Variants in LIPK observed in about 807,000 individuals in gnomAD.
LIPK encodes the protein lipase family member K, also known as lipase member K.
In LIPK, 32 loss-of-function variants were observed where a neutral mutation model predicts 48.6. The observed-to-expected ratio is 0.66, with a 90% confidence interval of 0.50 to 0.88. LIPK has a LOEUF of 0.88. LIPK is among the 40% of genes least tolerant of loss of function. The pLI is 0.00. For synonymous variants in LIPK, 164 were observed against 157.4 expected (o/e 1.04, Z -0.32); for missense variants, 507 against 478.5 (o/e 1.06, Z -0.56).
chr10:88,732,527 A>T lies in LIPK; in HGVS notation c.645A>T (p.Thr215=). The T allele has an allele frequency of 6.2e-7, 1 of 1,611,364 alleles. No homozygotes were observed. The highest frequency in any genetic ancestry group is 8.5e-7 in the Non-Finnish European group (1 of 1,179,264). ...CCCAAAGTCCTATGAAAAAACTAACAACCCTTTCCAGGCGAGTAGTTAAGG... is the reference window on the plus strand; with the variant it reads ...CCCAAAGTCCTATGAAAAAACTAACTACCCTTTCCAGGCGAGTAGTTAAGG... The part of the protein sequence containing the change: ...KYTQSPMKKL[T]TLSRRVVKVL... The change falls in exon 6 of 10, where the codon ACA becomes ACT. Residue 215 remains threonine (T), a synonymous_variant. Transcript: ENST00000404190.
At chr10:88,727,418 C>A in intron 3 of LIPK, 1 of 166,754 alleles carries the variant, frequency 6.0e-6, no homozygotes, top group Non-Finnish European at 1.3e-5. Flanking sequence ...CAGTTCTGGA[C>A]CCAAGTCTGT....
intron 2 of LIPK, among the ~76,000 whole-genome samples, chr10:88,725,001 T>C (rs756316733): frequency 1.4e-4 from 21 of 152,236 alleles, no homozygotes; most frequent in Non-Finnish European, 2.9e-4. Flanking sequence ...ATATGCTTTT[T>C]TGGTTTCATA....
In LIPK at chr10:88,731,041, TTGCAACC is replaced by T; in HGVS notation, c.286_292del (p.Asn96ProfsTer61). 1 of 1,599,200 alleles carries T rather than the reference TTGCAACC, an allele frequency of 6.3e-7. No homozygotes were observed. Among genetic ancestry groups the T allele is most frequent in the Non-Finnish European group, 8.5e-7 (1 of 1,172,312 alleles). ...TAATTGCATCTGCCAGTAACTGGAT[TTGCAACC>T]TGCCCAACAACAGTTTGGCTTTCCT... On this transcript the variant is annotated frameshift_variant, in exon 4 of 10. Transcript: ENST00000404190. LOFTEE classifies it high-confidence loss of function.
At chr10:88,751,359 GA>G (rs956889333) in intron 9 of LIPK, among the ~76,000 whole-genome samples, 68 of 150,806 alleles carry the variant, frequency 4.5e-4, no homozygotes, top group Admixed American at 3.4e-3. Context: ...AGAAATTTGG[GA>G]AAAAAAAATT....
At chr10:88,716,870 A>AT (rs35326126) in intron 1 of LIPK, among the ~76,000 whole-genome samples, 115 of 151,750 alleles carry the variant, frequency 7.6e-4, no homozygotes, top group Non-Finnish European at 1.4e-3. Context: ...ATGGATTTGG[A>AT]TTTTTTTTTC....
At chr10:88,746,389 C>T (rs1420917005) in intron 9 of LIPK, among the ~76,000 whole-genome samples, 6 of 144,094 alleles carry the variant, frequency 4.2e-5, no homozygotes, top group Non-Finnish European at 7.6e-5. Flanking sequence ...TAAAGCAATT[C>T]TCAACAAATT....
At chr10:88,735,882 C>A (rs993567726) in intron 6 of LIPK, among the ~76,000 whole-genome samples, 1 of 152,138 alleles carries the variant, frequency 6.6e-6, no homozygotes, top group South Asian at 2.1e-4. Context: ...AATTATTCAC[C>A]TTTGAGTAAA....
chr10:88,713,177 C>T (rs1311160078), intron 1 of LIPK, among the ~76,000 whole-genome samples: 1 of 152,160 alleles, frequency 6.6e-6, no homozygotes, highest in Non-Finnish European at 1.5e-5. Flanking sequence ...AACCTACTTA[C>T]CCTCTCTTTG....
rs566252148 is a variant in LIPK, at chr10:88,752,603, G to C, written c.1047G>C (p.Lys349Asn). The change falls in exon 10 of 10, where the codon AAG (lysine) becomes AAC (asparagine). Residue 349 changes from lysine (K) to asparagine (N), a missense_variant. Physicochemically the swap from Lys to Asn is moderately conservative, Grantham distance 94. Transcript: ENST00000404190. ...GACAGGACATTGTGGCTGATCCCAAGGATGTTGAAAATTTACTTCCTCAAA... is the reference window on the plus strand; with the variant it reads ...GACAGGACATTGTGGCTGATCCCAACGATGTTGAAAATTTACTTCCTCAAA... Reference protein sequence around the residue: ...NGGQDIVADPKDVENLLPQIA... With the variant: ...NGGQDIVADPNDVENLLPQIA... 91 of 1,572,602 alleles carry C rather than the reference G, an allele frequency of 5.8e-5. No homozygotes were observed. The East Asian group carries it at 8.8e-4, about 15-fold the overall frequency.
Position 88,752,674 on chromosome 10 carries a change from T to A in LIPK, c.1118T>A (p.Val373Glu). 4 of 1,577,992 alleles carry A rather than the reference T, an allele frequency of 2.5e-6. No individual in the cohort carries two copies. Among genetic ancestry groups the A allele is most frequent in the Non-Finnish European group, 3.4e-6 (4 of 1,159,790 alleles). Residue 373 changes from valine (V) to glutamate (E), a missense_variant, in exon 10 of 10, where the codon GTG becomes GAG. Val to Glu is a moderately radical substitution (Grantham distance 121). Coordinates refer to ENST00000404190, the MANE Select transcript of LIPK (RefSeq NM_001080518.2). ...AAGCTGATTCCACACTACAATCATG[T>A]GGATTTTTACCTTGGAGAGGATGCA... ...YYKLIPHYNHVDFYLGEDAPQ... is the reference protein window; with the variant it reads ...YYKLIPHYNHEDFYLGEDAPQ...
chr10:88,723,136 C>G (rs1212151733), intron 1 of LIPK, among the ~76,000 whole-genome samples: 1 of 152,040 alleles, frequency 6.6e-6, no homozygotes, highest in Non-Finnish European at 1.5e-5. Flanking sequence ...CAGCCCGTCT[C>G]AGCCTTCCAA....
At chr10:88,736,401 T>C (rs750375595) in intron 6 of LIPK, among the ~76,000 whole-genome samples, 1 of 152,212 alleles carries the variant, frequency 6.6e-6, no homozygotes, top group Non-Finnish European at 1.5e-5. Flanking sequence ...ACTTGCCAAA[T>C]TGTAATTCTT....
chr10:88,728,747 A>G (rs1210723325), intron 3 of LIPK: 1 of 266,990 alleles, frequency 3.7e-6, no homozygotes, highest in Non-Finnish European at 7.6e-6. Context: ...GCTCGGCCTC[A>G]CAAGCTCTGC....
At chr10:88,716,403 G>A (rs1230458173) in intron 1 of LIPK, among the ~76,000 whole-genome samples, 2 of 131,516 alleles carry the variant, frequency 1.5e-5, no homozygotes, top group African/African-American at 5.9e-5. Flanking sequence ...TGTCATTCAG[G>A]TGGGAGTGCA....
intron 1 of LIPK, among the ~76,000 whole-genome samples, chr10:88,717,306 T>C (rs1842137828): frequency 6.6e-6 from 1 of 152,160 alleles, no homozygotes; most frequent in South Asian, 2.1e-4. Context: ...TTTGCTTGAG[T>C]TATTTTAGAA....
rs114340709 is a variant in LIPK at position 88,732,541 on chromosome 10, G to A, written c.659G>A (p.Arg220Gln). 384 of 1,609,574 alleles carry A rather than the reference G, an allele frequency of 2.4e-4. No individual in the cohort carries two copies. The highest frequency in any genetic ancestry group is 2.8e-4 in the South Asian group (25 of 89,568). Residue 220 changes from arginine to glutamine, a missense_variant, in exon 6 of 10, where the codon CGA becomes CAA. Coordinates refer to ENST00000404190, the MANE Select transcript of LIPK (RefSeq NM_001080518.2). ...PMKKLTTLSR[R>Q]VVKVLFGDKM... is the part of the protein sequence containing the mutation. ...AAAAAACTAACAACCCTTTCCAGGC[G>A]AGTAGTTAAGGTATGTGACTTCCCA...
At chr10:88,731,273 T>G in intron 4 of LIPK, 92 bp downstream of exon 4, 1 of 1,035,612 alleles carries the variant, frequency 9.7e-7, no homozygotes, top group South Asian at 2.1e-5. Context: ...TGTGTCCAAA[T>G]GCACCCAATG....
At chr10:88,750,170 G>A (rs562066368) in intron 9 of LIPK, among the ~76,000 whole-genome samples, 6 of 152,302 alleles carry the variant, frequency 3.9e-5, no homozygotes, top group African/African-American at 1.4e-4. Flanking sequence ...ATGCTGGTGA[G>A]GTTGTGGAGA....
intron 9 of LIPK, among the ~76,000 whole-genome samples, chr10:88,745,292 A>G (rs1842747686): frequency 6.6e-6 from 1 of 152,162 alleles, no homozygotes; most frequent in Admixed American, 6.6e-5. Context: ...CCCCTGCAAG[A>G]TAGTATATAA....
Sources: gnomAD v4.1 joint callset for allele counts (sites outside exome capture counted in the v4.1 genomes callset) on GRCh38, gnomAD v4.1.1 for gene constraint, MANE v1.5 for transcripts, NCBI Gene and HGNC (gene_info 2026-07-23, HGNC 2026-07-21) for gene names.